The following ROBO1 variants were observed in gnomAD, a reference collection of about 807,000 sequenced individuals.
ROBO1 encodes roundabout homolog 1.
In ROBO1, 149 loss-of-function variants were observed where a neutral mutation model predicts 195.9. That is an observed-to-expected ratio of 0.76 (90% confidence interval 0.67 to 0.87). The LOEUF (loss-of-function observed/expected upper bound fraction) is 0.87. Among genes scored for constraint, ROBO1 ranks in the 40% least tolerant of loss-of-function variants. The pLI is 0.00. For synonymous variants in ROBO1, 816 were observed against 733.2 expected, an observed-to-expected ratio of 1.11 and a Z score of -1.82; for missense variants, 1,933 against 2,068.3, an observed-to-expected ratio of 0.93 and a Z score of 1.27.
chr3:79,634,637 G>A (rs181668662), intron 1 of ROBO1, among the ~76,000 whole-genome samples: 22 of 151,756 alleles, frequency 1.4e-4, no homozygotes, highest in African/African-American at 5.1e-4. Context: ...ATTTTTTGTG[G>A]CTTAATATTT....
intron 2 of ROBO1, among the ~76,000 whole-genome samples, chr3:79,475,434 A>G (rs925075083): frequency 6.6e-6 from 1 of 152,016 alleles, no homozygotes; most frequent in Non-Finnish European, 1.5e-5. Flanking sequence ...AAATGCTCTC[A>G]TTTTCTGCTT....
chr3:78,674,796 G>A (rs1373121092), intron 10 of ROBO1, among the ~76,000 whole-genome samples: 1 of 152,132 alleles, frequency 6.6e-6, no homozygotes, highest in Non-Finnish European at 1.5e-5. Flanking sequence ...GGAGATATTT[G>A]AGACTACTTT....
At chr3:78,928,025 C>T (rs1206949776) in intron 4 of ROBO1, among the ~76,000 whole-genome samples, 3 of 152,200 alleles carry the variant, frequency 2.0e-5, no homozygotes, top group African/African-American at 7.2e-5. Context: ...ACTATAGATA[C>T]ACCAACTATT....
At chr3:79,469,919 C>T (rs1938174843) in intron 2 of ROBO1, among the ~76,000 whole-genome samples, 1 of 152,102 alleles carries the variant, frequency 6.6e-6, no homozygotes, top group Non-Finnish European at 1.5e-5. Flanking sequence ...TGGAATAGGA[C>T]ATCCATATAA....
chr3:79,016,570 C>A (rs2077940170), intron 3 of ROBO1, among the ~76,000 whole-genome samples: 1 of 152,072 alleles, frequency 6.6e-6, no homozygotes, highest in Non-Finnish European at 1.5e-5. Context: ...ACAGTACTTC[C>A]CAAATAATTC....
intron 4 of ROBO1, among the ~76,000 whole-genome samples, chr3:78,855,312 A>G (rs2034346492): frequency 6.6e-6 from 1 of 152,108 alleles, no homozygotes; most frequent in Non-Finnish European, 1.5e-5. Flanking sequence ...TGGTTCACAT[A>G]CTAATACGTC....
chr3:79,434,588 A>C (rs984707402), intron 2 of ROBO1, among the ~76,000 whole-genome samples: 2 of 151,814 alleles, frequency 1.3e-5, no homozygotes, highest in African/African-American at 2.4e-5. Flanking sequence ...GATGTGGAGA[A>C]ATAGGAACAC....
intron 1 of ROBO1, among the ~76,000 whole-genome samples, chr3:79,765,289 T>A (rs972540340): frequency 4.6e-5 from 7 of 152,296 alleles, no homozygotes; most frequent in Admixed American, 4.6e-4. Flanking sequence ...GATATCCTAA[T>A]TTTTATCCCT....
chr3:78,731,932 T>C (rs1208215888), intron 5 of ROBO1, among the ~76,000 whole-genome samples: 1 of 152,154 alleles, frequency 6.6e-6, no homozygotes, highest in Non-Finnish European at 1.5e-5. Flanking sequence ...CAATCTGTAT[T>C]ACTGGTATTG....
intron 19 of ROBO1, among the ~76,000 whole-genome samples, chr3:78,651,001 C>G (rs1265731733): frequency 6.6e-6 from 1 of 152,048 alleles, no homozygotes; most frequent in African/African-American, 2.4e-5. Context: ...ATAAAAAACA[C>G]AAAAATATCA....
At chr3:79,550,203 AAAG>A (rs1397360090) in intron 2 of ROBO1, among the ~76,000 whole-genome samples, 1 of 94,460 alleles carries the variant, frequency 1.1e-5, no homozygotes, top group Non-Finnish European at 2.1e-5. Flanking sequence ...AAGGAAAAGA[AAAG>A]AAAAGAAAAG....
chr3:79,151,172 C>T (rs1249969206), intron 2 of ROBO1, among the ~76,000 whole-genome samples: 1 of 151,832 alleles, frequency 6.6e-6, no homozygotes, highest in East Asian at 1.9e-4. Flanking sequence ...CAAGGCCTCT[C>T]CAGCCATGTG....
At chr3:78,762,173 T>C (rs1443230534) in intron 4 of ROBO1, among the ~76,000 whole-genome samples, 1 of 152,020 alleles carries the variant, frequency 6.6e-6, no homozygotes, top group African/African-American at 2.4e-5. Flanking sequence ...TTTAGGTAAG[T>C]AAATAAAAGG....
chr3:79,210,509 G>A (rs1344713683), intron 2 of ROBO1, among the ~76,000 whole-genome samples: 1 of 152,072 alleles, frequency 6.6e-6, no homozygotes, highest in African/African-American at 2.4e-5. Flanking sequence ...CCATCTCCAA[G>A]TCTTTCTGGG....
intron 2 of ROBO1, among the ~76,000 whole-genome samples, chr3:79,203,315 C>T (rs1385866677): frequency 6.6e-6 from 1 of 152,098 alleles, no homozygotes; most frequent in African/African-American, 2.4e-5. Flanking sequence ...GCATAAAGTG[C>T]CTGAATTGGC....
chr3:79,196,487 A>G (rs2081639313), intron 2 of ROBO1, among the ~76,000 whole-genome samples: 1 of 151,712 alleles, frequency 6.6e-6, no homozygotes, highest in African/African-American at 2.4e-5. Context: ...CACAATCCAA[A>G]TTAGTGCAGC....
intron 3 of ROBO1, among the ~76,000 whole-genome samples, chr3:79,036,984 C>G (rs1372382081): frequency 6.6e-6 from 1 of 152,136 alleles, no homozygotes; most frequent in African/African-American, 2.4e-5. Context: ...TCTGAGGAAA[C>G]CTAACAGGAT....
chr3:78,661,052 C>T lies in ROBO1; in HGVS notation c.2298G>A (p.Lys766=), dbSNP rs536774102. Residue 766 remains lysine, a synonymous_variant, in exon 16 of 31, where the codon AAG becomes AAA. Transcript: ENST00000464233. The part of the protein sequence containing the change: ...NEFQGADSEI[K]FAKTLEEAPS... Reference sequence around the variant, plus strand: ...TGCCTTCTTCCAGGGTTTTGGCAAACTTGATTTCACTATCTGCTCCTTGAA... The same window carrying T: ...TGCCTTCTTCCAGGGTTTTGGCAAATTTGATTTCACTATCTGCTCCTTGAA... 61 of 1,612,578 alleles carry T rather than the reference C, an allele frequency of 3.8e-5. No homozygotes were observed. The highest frequency in any genetic ancestry group is 2.0e-4 in the African/African-American group (15 of 74,874).
In ROBO1 at chr3:79,554,244, G is replaced by A. The variant is rs116495340; in HGVS notation, c.88+35580C>T. The stretch of plus-strand genomic sequence containing the variant: ...TCATGATACTGAGTTAGAGACCATG[G>A]GACCCAGAAAAGGGAATAAGACTGG... On this transcript the variant is annotated intron_variant, in intron 2 of 30. Coordinates refer to ENST00000464233, the MANE Select transcript of ROBO1 (RefSeq NM_002941.4). Among the ~76,000 whole-genome samples the A allele has an allele frequency of 7.5e-3, 1,138 of 151,904 alleles. 9 individuals carry two copies. Among genetic ancestry groups the A allele is most frequent in the Non-Finnish European group, 0.011 (739 of 67,884 alleles).
Sources: allele counts gnomAD v4.1 joint callset (sites outside exome capture counted in the v4.1 genomes callset), GRCh38; gene constraint gnomAD v4.1.1; transcripts MANE v1.5; gene names NCBI Gene and HGNC (gene_info 2026-07-23, HGNC 2026-07-21).